Variants in SLC22A25 observed in about 807,000 individuals in gnomAD.
SLC22A25 encodes MGI:2442751, MGI:2385316, MGI:3042283, MGI:3645714, MGI:3605624, MGI:2442750.
A neutral mutation model predicts 45.9 loss-of-function variants in SLC22A25; 44 were observed. The observed-to-expected ratio is 0.96, with a 90% CI of 0.75 to 1.23. SLC22A25 has a LOEUF of 1.23. Ranked by LOEUF, SLC22A25 falls within the 50% of genes most tolerant of loss-of-function variation. SLC22A25 has a pLI of 0.00. For synonymous variants in SLC22A25, 283 were observed against 238.6 expected (o/e 1.19, Z -1.72); for missense variants, 800 against 666.4 (o/e 1.20, Z -2.21).
intron 3 of SLC22A25, among the ~76,000 whole-genome samples, chr11:63,235,032 T>C (rs368915940): frequency 3.3e-5 from 5 of 152,380 alleles, no homozygotes; most frequent in South Asian, 4.1e-4. Flanking sequence ...GGCTTCCCTG[T>C]GGGTAACCTG....
intron 8 of SLC22A25, among the ~76,000 whole-genome samples, chr11:63,183,462 C>G (rs1193801869): frequency 6.6e-6 from 1 of 152,108 alleles, no homozygotes; most frequent in South Asian, 2.1e-4. Context: ...ATTGTTAACA[C>G]TCTGTGCCTC....
intron 9 of SLC22A25, among the ~76,000 whole-genome samples, chr11:63,174,001 A>G (rs988677246): frequency 6.7e-6 from 1 of 150,138 alleles, no homozygotes; most frequent in Non-Finnish European, 1.5e-5. Context: ...TGCTGCACCC[A>G]TCAACTCATC....
chr11:63,164,424 GTT>G (rs1590765542), intron 11 of SLC22A25, 100 bp downstream of exon 11: 1 of 1,025,754 alleles, frequency 9.7e-7, no homozygotes, highest in Admixed American at 2.2e-5. Flanking sequence ...ACATTTGATT[GTT>G]TTTTAACTAA....
At chr11:63,200,211 A>C (rs999928585) in intron 7 of SLC22A25, among the ~76,000 whole-genome samples, 2 of 151,484 alleles carry the variant, frequency 1.3e-5, no homozygotes, top group Admixed American at 1.3e-4. Context: ...AAAATAGAAA[A>C]CTTGAGGCCA....
rs764543172 is a variant in SLC22A25, at chr11:63,217,444, A to G, written c.700T>C (p.Leu234=). The change falls in exon 7 of 12, where the codon TTG becomes CTG. Residue 234 remains leucine (L), a synonymous_variant. Coordinates refer to ENST00000306494, the MANE Select transcript of SLC22A25 (RefSeq NM_199352.6). ...WITHQFCAMA[L]TLTLCAASIG... ...CTAGCAGCACAAAGTGTCAATGTCAATGCCATGGCACAGAATTGGTGAGTT... is the reference window on the plus strand; with the variant it reads ...CTAGCAGCACAAAGTGTCAATGTCAGTGCCATGGCACAGAATTGGTGAGTT... 1.8e-5 allele frequency: 29 copies of G among 1,613,992 alleles called. No homozygotes were observed. Among genetic ancestry groups the G allele is most frequent in the Middle Eastern group, 3.3e-4 (2 of 6,082 alleles).
chr11:63,187,644 C>T (rs925937103), intron 7 of SLC22A25, among the ~76,000 whole-genome samples: 4 of 152,106 alleles, frequency 2.6e-5, no homozygotes, highest in African/African-American at 4.8e-5. Flanking sequence ...GGAATGCTTC[C>T]GGTTTTTGCC....
At chr11:63,222,805 CA>C (rs1406877978) in intron 5 of SLC22A25, among the ~76,000 whole-genome samples, 6 of 90,180 alleles carry the variant, frequency 6.7e-5, no homozygotes, top group African/African-American at 2.6e-4. Flanking sequence ...CTTCTATACC[CA>C]GTTTTTTTTT....
At chr11:63,195,572 A>G (rs2088992410) in intron 7 of SLC22A25, among the ~76,000 whole-genome samples, 1 of 152,372 alleles carries the variant, frequency 6.6e-6, no homozygotes, top group South Asian at 2.1e-4. Context: ...CAAAGACACA[A>G]CATACCAGAA....
At position 63,235,048 on chromosome 11, in the gene SLC22A25, T is replaced by G. The variant is rs551888470; in HGVS notation, c.-445+2833A>C. 2.4e-3 allele frequency among the ~76,000 whole-genome samples: 359 copies of G among 152,350 alleles called. 1 individual carries two copies. Among genetic ancestry groups the G allele is most frequent in the African/African-American group, 8.1e-3 (336 of 41,572 alleles). On this transcript the variant is annotated intron_variant, in intron 3 of 11. Transcript: ENST00000306494. ...GCTTCCCTGTGGGTAACCTGACCTT[T>G]CTCTCTGGCTGCCCTTAACATTTTT...
At chr11:63,197,880 A>T (rs1334130016) in intron 7 of SLC22A25, among the ~76,000 whole-genome samples, 1 of 151,786 alleles carries the variant, frequency 6.6e-6, no homozygotes, top group African/African-American at 2.4e-5. Flanking sequence ...ATTTACAAGG[A>T]AAAATGAAAC....
At chr11:63,202,154 C>G (rs1436706580) in intron 7 of SLC22A25, among the ~76,000 whole-genome samples, 1 of 152,108 alleles carries the variant, frequency 6.6e-6, no homozygotes, top group East Asian at 1.9e-4. Flanking sequence ...AGCCCGCAGA[C>G]CAGGAGATTC....
chr11:63,180,494 C>A (rs2088278653), intron 9 of SLC22A25, among the ~76,000 whole-genome samples, 166 bp downstream of exon 9: 1 of 152,114 alleles, frequency 6.6e-6, no homozygotes, highest in African/African-American at 2.4e-5. Flanking sequence ...TCTGTGTCAG[C>A]CTTTTCATAA....
intron 5 of SLC22A25, 148 bp from the exon 6 acceptor site, chr11:63,217,883 G>T: frequency 1.0e-6 from 1 of 963,116 alleles, no homozygotes; most frequent in Non-Finnish European, 1.5e-6. Flanking sequence ...TTAATCAATG[G>T]CAGGTCTTCT....
chr11:63,163,648 G>T lies in SLC22A25; in HGVS notation c.*176C>A. The stretch of plus-strand genomic sequence containing the variant: ...TCACCACAAATTAACCTCCTGGACA[G>T]GCTGGGCAGAGATGGTCTGTGTGAT... On this transcript the variant is annotated 3_prime_UTR_variant, in exon 12 of 12. Transcript: ENST00000306494. The T allele has an allele frequency of 1.1e-6, 1 of 932,924 alleles. No individual in the cohort carries two copies. Among genetic ancestry groups the T allele is most frequent in the Non-Finnish European group, 1.5e-6 (1 of 655,204 alleles). The allele number at this position is 932,924 out of a possible 1,614,324, so 57.8% of individuals were successfully genotyped here.
chr11:63,215,003 C>T (rs2089673819), intron 7 of SLC22A25, among the ~76,000 whole-genome samples: 1 of 152,080 alleles, frequency 6.6e-6, no homozygotes, highest in South Asian at 2.1e-4. Context: ...ATTAGTTCAA[C>T]CATTGTGGAA....
chr11:63,169,157 C>A (rs191855983), intron 9 of SLC22A25, among the ~76,000 whole-genome samples: 4 of 152,172 alleles, frequency 2.6e-5, no homozygotes, highest in Non-Finnish European at 5.9e-5. Flanking sequence ...CTTACAAGAG[C>A]TCCTGAAGGA....
chr11:63,197,021 T>C (rs1320095034), intron 7 of SLC22A25, among the ~76,000 whole-genome samples: 2 of 151,798 alleles, frequency 1.3e-5, no homozygotes, highest in Non-Finnish European at 2.9e-5. Flanking sequence ...TCAAAGAGAA[T>C]AAAATACCTA....
intron 9 of SLC22A25, chr11:63,167,364 T>A (rs1463556632): frequency 6.6e-6 from 1 of 152,160 alleles, no homozygotes; most frequent in Admixed American, 6.6e-5. Context: ...AGCCAAGTGG[T>A]CTCGCTCAGC....
At chr11:63,219,770 C>G (rs1222384294) in intron 5 of SLC22A25, 2 of 467,458 alleles carry the variant, frequency 4.3e-6, no homozygotes, top group Non-Finnish European at 7.5e-6. Context: ...ACTACCTTAT[C>G]TTGCACCACC....
Sources: allele counts gnomAD v4.1 joint callset (sites outside exome capture counted in the v4.1 genomes callset), GRCh38; gene constraint gnomAD v4.1.1; transcripts MANE v1.5; gene names NCBI Gene and HGNC (gene_info 2026-07-23, HGNC 2026-07-21).